IGSF3: variants seen among roughly 807,000 people sequenced by gnomAD.
The protein encoded by IGSF3 is glu-Trp-Ile EWI motif-containing protein 3.
In IGSF3, 23 loss-of-function variants were observed where a neutral mutation model predicts 114.4. The observed-to-expected ratio is 0.20, with a 90% CI of 0.14 to 0.28. The LOEUF (loss-of-function observed/expected upper bound fraction) is 0.28, where lower values mean the gene tolerates loss of function less well. Among genes scored for constraint, IGSF3 ranks in the 10% least tolerant of loss-of-function variants. The pLI is 1.00. For missense variants in IGSF3, 1,172 were observed against 1,591.5 expected (o/e 0.74, Z 4.48); for synonymous variants, 571 against 645.2 (o/e 0.88, Z 1.74).
At position 116,589,263 on chromosome 1, in the gene IGSF3, G is replaced by A. The variant is rs372149545; in HGVS notation, c.2030-159C>T. On this transcript the variant is annotated intron_variant, in intron 7 of 10. Coordinates refer to ENST00000369486, the MANE Select transcript of IGSF3 (RefSeq NM_001007237.3). This position sits in a 1 kb window ranked among gnomAD's most constrained non-coding sequence, Gnocchi z 5.7. ...AAGGCAGCACGGAGCCCAGGCCACC[G>A]CTAAACATCCTTCCCTGTCTCCTCC... Among the ~76,000 whole-genome samples the A allele has an allele frequency of 6.6e-6, 1 of 152,130 alleles. No homozygotes were observed. The highest frequency in any genetic ancestry group is 2.4e-5 in the African/African-American group (1 of 41,508).
At position 116,650,731 on chromosome 1, in the gene IGSF3, C is replaced by T. The variant is rs1459314811; in HGVS notation, c.43+15553G>A. 6.6e-6 allele frequency among the ~76,000 whole-genome samples: 1 copy of T among 152,214 alleles called. No homozygotes were observed. Among genetic ancestry groups the T allele is most frequent in the Admixed American group, 6.5e-5 (1 of 15,286 alleles). The stretch of plus-strand genomic sequence containing the variant: ...TGTGCTGGCAGATAAGGATGCTCAA[C>T]AAATAGCTGTGGAACTACAAATTAT... On this transcript the variant is annotated intron_variant, in intron 2 of 10. Coordinates refer to ENST00000369486, the MANE Select transcript of IGSF3 (RefSeq NM_001007237.3). This position sits in a 1 kb window ranked among gnomAD's most constrained non-coding sequence, Gnocchi z 5.0.
intron 2 of IGSF3, among the ~76,000 whole-genome samples, chr1:116,630,263 G>C (rs3879766): frequency 6.6e-6 from 1 of 152,338 alleles, no homozygotes; most frequent in East Asian, 1.9e-4. Flanking sequence ...TTAGGGGCAA[G>C]ATCAGAGAAG....
Position 116,579,064 on chromosome 1 carries a change from C to T in IGSF3, c.3334+328G>A, listed in dbSNP as rs1659475126. On this transcript the variant is annotated intron_variant, in intron 10 of 10. Transcript: ENST00000369486. The surrounding 1 kb of genome is among the most constrained non-coding windows in gnomAD (Gnocchi z 6.4). ...CTTGCTAATTCGCTAAAGACTAGTT[C>T]CAATATTCTAAAAAATAACAAAGTA... Among the ~76,000 whole-genome samples, 1 of 152,106 alleles carries T rather than the reference C, an allele frequency of 6.6e-6. No homozygotes were observed. The highest frequency in any genetic ancestry group is 1.5e-5 in the Non-Finnish European group (1 of 68,018).
intron 2 of IGSF3, among the ~76,000 whole-genome samples, chr1:116,623,852 G>A (rs1220368863): frequency 8.6e-5 from 13 of 150,290 alleles, no homozygotes; most frequent in Non-Finnish European, 1.3e-4. Context: ...TTGGGAGGGC[G>A]AGGCAGGTGG....
At chr1:116,621,112 A>T (rs1195088088) in intron 2 of IGSF3, among the ~76,000 whole-genome samples, 1 of 151,890 alleles carries the variant, frequency 6.6e-6, no homozygotes. Context: ...AATTGTTTAA[A>T]AGTGTGTGGC....
At chr1:116,608,394 C>G in intron 4 of IGSF3, 63 bp from the exon 5 acceptor site, 1 of 1,076,130 alleles carries the variant, frequency 9.3e-7, no homozygotes, top group Non-Finnish European at 1.4e-6. Context: ...CCAACTAAAC[C>G]ACATTAGCAC....
intron 2 of IGSF3, among the ~76,000 whole-genome samples, chr1:116,623,620 C>A (rs1440454371): frequency 2.0e-5 from 3 of 151,824 alleles, no homozygotes; most frequent in East Asian, 1.9e-4. Context: ...TGCAGCAAGC[C>A]GAGATCGCAC....
Position 116,579,294 on chromosome 1 carries a change from A to C in IGSF3, c.3334+98T>G, listed in dbSNP as rs779806430. ...TACTAATAAATGCCCATGACAGTTA[A>C]GAAAACTGTTTATTAACCCATAATC... On this transcript the variant is annotated intron_variant, in intron 10 of 10. Coordinates refer to ENST00000369486, the MANE Select transcript of IGSF3 (RefSeq NM_001007237.3). This position sits in a 1 kb window ranked among gnomAD's most constrained non-coding sequence, Gnocchi z 6.4. 2 of 1,434,868 alleles carry C rather than the reference A, an allele frequency of 1.4e-6. No homozygotes were observed. Among genetic ancestry groups the C allele is most frequent in the East Asian group, 4.6e-5 (2 of 43,238 alleles). The allele number at this position is 1,434,868 out of a possible 1,614,324, so 88.9% of individuals were successfully genotyped here.
rs367754814 is a variant in IGSF3 at position 116,577,455 on chromosome 1, G to A, written c.3442C>T (p.Arg1148Cys). Residue 1148 changes from arginine to cysteine, a missense_variant, in exon 11 of 11, where the codon CGT (arginine) becomes TGT (cysteine). Physicochemically the swap from Arg to Cys is radical, Grantham distance 180. Around this residue, in one of 3 missense-constraint regions of IGSF3, gnomAD observed 423 missense variants for 509.8 expected, o/e 0.83. Coordinates refer to ENST00000369486, the MANE Select transcript of IGSF3 (RefSeq NM_001007237.3). The surrounding 1 kb of genome is among the most constrained non-coding windows in gnomAD (Gnocchi z 5.7). ...GILIITILLV[R>C]FKSRNSSKNS... ...TTGCTGGAGTTCCGGCTCTTGAAAC[G>A]CACCAGAAGGATGGTGATGATAAGA... 6.8e-5 allele frequency: 110 copies of A among 1,614,018 alleles called. No individual in the cohort carries two copies. Among genetic ancestry groups the A allele is most frequent in the East Asian group, 4.9e-4 (22 of 44,898 alleles).
chr1:116,606,793 T>C (rs1660809078), intron 5 of IGSF3, among the ~76,000 whole-genome samples: 1 of 152,204 alleles, frequency 6.6e-6, no homozygotes, highest in Admixed American at 6.5e-5. Context: ...TTGTACAGTA[T>C]TCAGCGAGCA....
Position 116,654,391 on chromosome 1 carries a change from G to T in IGSF3, c.43+11893C>A, listed in dbSNP as rs1337417232. Among the ~76,000 whole-genome samples the T allele has an allele frequency of 6.6e-6, 1 of 152,226 alleles. No individual in the cohort carries two copies. The highest frequency in any genetic ancestry group is 1.5e-5 in the Non-Finnish European group (1 of 68,036). On this transcript the variant is annotated intron_variant, in intron 2 of 10. Coordinates refer to ENST00000369486, the MANE Select transcript of IGSF3 (RefSeq NM_001007237.3). The surrounding 1 kb of genome is among the most constrained non-coding windows in gnomAD (Gnocchi z 4.4). ...TACCCAGGAGGTCACCAGTGTCTCTGAGAAAAGTGCAGATCAATGCCTCCT... is the reference window on the plus strand; with the variant it reads ...TACCCAGGAGGTCACCAGTGTCTCTTAGAAAAGTGCAGATCAATGCCTCCT...
chr1:116,588,123 T>C lies in IGSF3; in HGVS notation c.2440+571A>G, dbSNP rs1659932234. 6.6e-6 allele frequency among the ~76,000 whole-genome samples: 1 copy of C among 152,082 alleles called. No homozygotes were observed. Among genetic ancestry groups the C allele is most frequent in the Non-Finnish European group, 1.5e-5 (1 of 67,996 alleles). The stretch of plus-strand genomic sequence containing the variant: ...GGCTTGCGGACTGAATAGCTCTCCC[T>C]CCCTGGAAGCATTCTGGCAGAGGTT... On this transcript the variant is annotated intron_variant, in intron 8 of 10. Coordinates refer to ENST00000369486, the MANE Select transcript of IGSF3 (RefSeq NM_001007237.3). The surrounding 1 kb of genome is among the most constrained non-coding windows in gnomAD (Gnocchi z 4.9).
chr1:116,646,750 T>A (rs534934110), intron 2 of IGSF3: 2 of 152,374 alleles, frequency 1.3e-5, no homozygotes, highest in East Asian at 3.9e-4. Flanking sequence ...CAGGACAGCC[T>A]GGTAGCTGAA....
chr1:116,587,320 T>A (rs937619704), intron 8 of IGSF3, among the ~76,000 whole-genome samples: 1 of 152,278 alleles, frequency 6.6e-6, no homozygotes, highest in Admixed American at 6.5e-5. Flanking sequence ...ATAAGTAAAT[T>A]AACAGAATGT....
At chr1:116,635,511 G>GC (rs1313336800) in intron 2 of IGSF3, among the ~76,000 whole-genome samples, 6 of 152,132 alleles carry the variant, frequency 3.9e-5, no homozygotes, top group Non-Finnish European at 5.9e-5. Flanking sequence ...CCAGGCCTCT[G>GC]CACTGGAGGC....
rs1175973757 is a variant in IGSF3 at position 116,592,058 on chromosome 1, T to G, written c.2030-2954A>C. On this transcript the variant is annotated intron_variant, in intron 7 of 10. Transcript: ENST00000369486. This position sits in a 1 kb window ranked among gnomAD's most constrained non-coding sequence, Gnocchi z 4.5. Reference sequence around the variant, plus strand: ...AGTTCAACACTTAGAATGGGAGTTGTCAAGCATAAGTGGCAATCTTCCTGC... The same window carrying G: ...AGTTCAACACTTAGAATGGGAGTTGGCAAGCATAAGTGGCAATCTTCCTGC... 6.6e-6 allele frequency among the ~76,000 whole-genome samples: 1 copy of G among 152,158 alleles called. No individual in the cohort carries two copies. Among genetic ancestry groups the G allele is most frequent in the Non-Finnish European group, 1.5e-5 (1 of 68,020 alleles).
chr1:116,602,260 G>GA (rs1437153708), intron 6 of IGSF3, among the ~76,000 whole-genome samples: 1 of 151,308 alleles, frequency 6.6e-6, no homozygotes, highest in Non-Finnish European at 1.5e-5. Context: ...TGGTGAGTAA[G>GA]AAAAAACTCA....
At chr1:116,611,468 C>T (rs962941932) in intron 4 of IGSF3, among the ~76,000 whole-genome samples, 28 of 152,214 alleles carry the variant, frequency 1.8e-4, no homozygotes, top group African/African-American at 6.3e-4. Context: ...GTTCCAAGAA[C>T]AGCTTGAAAA....
chr1:116,643,721 C>T (rs1321842632), intron 2 of IGSF3, among the ~76,000 whole-genome samples: 2 of 152,236 alleles, frequency 1.3e-5, no homozygotes, highest in African/African-American at 4.8e-5. Flanking sequence ...TGTGTTGTCA[C>T]AGGTGTAGAA....
Sources: gnomAD v4.1 joint callset for allele counts (sites outside exome capture counted in the v4.1 genomes callset) on GRCh38, gnomAD v4.1.1 for gene constraint, gnomAD v4.1.1 regional missense constraint, Gnocchi (gnomAD v3.1) non-coding constraint, MANE v1.5 for transcripts, NCBI Gene and HGNC (gene_info 2026-07-23, HGNC 2026-07-21) for gene names.